CTNNA2: variants seen among roughly 807,000 people sequenced by gnomAD.
CTNNA2 encodes the protein catenin alpha 2.
A neutral mutation model predicts 101.0 loss-of-function variants in CTNNA2; 42 were observed. The observed-to-expected ratio is 0.42, with a 90% CI of 0.32 to 0.54. The LOEUF (loss-of-function observed/expected upper bound fraction) is 0.54. Among genes scored for constraint, CTNNA2 ranks in the 20% least tolerant of loss-of-function variants. CTNNA2 has a pLI of 0.14. For synonymous variants in CTNNA2, 450 were observed against 456.4 expected, an observed-to-expected ratio of 0.99 and a Z score of 0.18; for missense variants, 871 against 1,223.1, an observed-to-expected ratio of 0.71 and a Z score of 4.29.
chr2:80,474,146 C>A (rs1224029544), intron 9 of CTNNA2, among the ~76,000 whole-genome samples: 1 of 152,126 alleles, frequency 6.6e-6, no homozygotes, highest in African/African-American at 2.4e-5. Flanking sequence ...TTTTAAAAAT[C>A]TATGTTTTAA....
chr2:79,674,243 A>G (rs1683041879), intron 2 of CTNNA2, among the ~76,000 whole-genome samples: 1 of 152,210 alleles, frequency 6.6e-6, no homozygotes, highest in South Asian at 2.1e-4. Context: ...TTTTAGAGAA[A>G]GCTTCTTAAA....
intron 1 of CTNNA2, among the ~76,000 whole-genome samples, chr2:79,548,954 C>A (rs898902850): frequency 1.3e-5 from 2 of 152,146 alleles, no homozygotes; most frequent in African/African-American, 4.8e-5. Context: ...ATGCTGCCAA[C>A]CCACATAGAA....
chr2:79,595,922 CAGAATCCCTCTGTG>C (rs1242644947), intron 1 of CTNNA2, among the ~76,000 whole-genome samples: 1 of 150,420 alleles, frequency 6.6e-6, no homozygotes, highest in Non-Finnish European at 1.5e-5. Context: ...CAGTTCTTGT[CAGAATCCCTCTGTG>C]AGCGTATGAC....
chr2:79,319,181 C>T (rs917215871), intron 3 of CTNNA2, among the ~76,000 whole-genome samples: 8 of 152,212 alleles, frequency 5.3e-5, no homozygotes, highest in Admixed American at 1.3e-4. Flanking sequence ...ACCCATTATA[C>T]ACTGGCAGAA....
At chr2:79,237,681 C>A (rs1284602639) in intron 2 of CTNNA2, among the ~76,000 whole-genome samples, 2 of 152,218 alleles carry the variant, frequency 1.3e-5, no homozygotes, top group African/African-American at 4.8e-5. Context: ...ATTACAGACA[C>A]TTCTACATCA....
At chr2:79,195,813 A>AGGG (rs1293684752) in intron 1 of CTNNA2, 1 of 514,702 alleles carries the variant, frequency 1.9e-6, no homozygotes, top group Admixed American at 2.0e-5. Context: ...GGCCCGGCAT[A>AGGG]GGGAGCTGAA....
chr2:80,577,413 C>T (rs749233770), intron 13 of CTNNA2, among the ~76,000 whole-genome samples: 5 of 152,012 alleles, frequency 3.3e-5, no homozygotes, highest in East Asian at 1.9e-4. Context: ...AGCATGTTTC[C>T]GGCGGAGGAA....
chr2:80,127,431 A>T (rs372579405), intron 7 of CTNNA2, among the ~76,000 whole-genome samples: 3 of 152,252 alleles, frequency 2.0e-5, no homozygotes, highest in South Asian at 4.2e-4. Context: ...CTATGGACTG[A>T]CTACTAGTTT....
At chr2:79,725,989 A>G (rs1686816357) in intron 2 of CTNNA2, among the ~76,000 whole-genome samples, 1 of 152,182 alleles carries the variant, frequency 6.6e-6, no homozygotes, top group Non-Finnish European at 1.5e-5. Flanking sequence ...GTCCAAATAC[A>G]GGGTGTGAGA....
intron 7 of CTNNA2, among the ~76,000 whole-genome samples, chr2:80,251,129 C>A (rs748928692): frequency 6.6e-6 from 1 of 152,096 alleles, no homozygotes; most frequent in East Asian, 1.9e-4. Flanking sequence ...TCTTCCCACA[C>A]GTTTATGGAC....
chr2:80,501,866 T>A (rs1687908660), intron 9 of CTNNA2, among the ~76,000 whole-genome samples: 1 of 152,122 alleles, frequency 6.6e-6, no homozygotes, highest in African/African-American at 2.4e-5. Flanking sequence ...ACACCATGCT[T>A]GGAAAGGAAT....
In CTNNA2 at chr2:80,547,690, C is replaced by CTTTTTTTTTTTTTTTTT. The variant is rs61186189; in HGVS notation, c.1540+1643_1540+1644insTTTTTTTTTTTTTTTTT. 5.6e-5 allele frequency among the ~76,000 whole-genome samples: 7 copies of CTTTTTTTTTTTTTTTTT among 124,310 alleles called. 1 individual carries two copies. Among genetic ancestry groups the CTTTTTTTTTTTTTTTTT allele is most frequent in the African/African-American group, 2.4e-4 (7 of 29,336 alleles). The allele number at this position is 124,310 out of a possible 152,430, so 81.6% of individuals were successfully genotyped here. A position where few individuals can be genotyped will look rare whatever the true frequency, so the allele number is the denominator to read the frequency against. The stretch of plus-strand genomic sequence containing the variant: ...AGAACTCAATATATTGTCACTTCTG[C>CTTTTTTTTTTTTTTTTT]TTTTTTTTTTTTTTTTGAGATGGAG... On this transcript the variant is annotated intron_variant, in intron 11 of 18. Coordinates refer to ENST00000402739, the MANE Select transcript of CTNNA2 (RefSeq NM_001282597.3).
chr2:80,534,020 G>T (rs1026827846), intron 9 of CTNNA2, among the ~76,000 whole-genome samples: 6 of 152,106 alleles, frequency 3.9e-5, no homozygotes, highest in Non-Finnish European at 7.4e-5. Flanking sequence ...ATTCAGCTAT[G>T]AAGCGGGCAC....
intron 2 of CTNNA2, among the ~76,000 whole-genome samples, chr2:79,742,350 TA>T (rs112025910): frequency 0.04 from 6,092 of 150,886 alleles, 372 homozygotes; most frequent in African/African-American, 0.14. Flanking sequence ...TTGTGAAGTC[TA>T]AAAAAAAATA....
chr2:79,591,682 A>G (rs1027756542), intron 1 of CTNNA2, among the ~76,000 whole-genome samples: 2 of 152,172 alleles, frequency 1.3e-5, no homozygotes, highest in African/African-American at 2.4e-5. Flanking sequence ...CTGAGCCCAG[A>G]AGACCAACAG....
rs533978164 is a variant in CTNNA2, at chr2:79,597,840, T to C, written c.-5-53712T>C. On this transcript the variant is annotated intron_variant, in intron 1 of 18. Coordinates refer to ENST00000402739, the MANE Select transcript of CTNNA2 (RefSeq NM_001282597.3). ...AGGGTTCACTCTTGATGGTGTGTAT[T>C]CTATGTATTAGGAGAAATGTATAAT... 2.5e-4 allele frequency among the ~76,000 whole-genome samples: 38 copies of C among 152,300 alleles called. No individual in the cohort carries two copies. In the South Asian group the frequency reaches 7.5e-3, roughly 30 times the overall value.
At chr2:80,458,845 C>T (rs1018978051) in intron 9 of CTNNA2, among the ~76,000 whole-genome samples, 3 of 152,142 alleles carry the variant, frequency 2.0e-5, no homozygotes, top group Admixed American at 6.5e-5. Flanking sequence ...TACCTCCCAA[C>T]AACTTTGATG....
chr2:80,252,549 G>T (rs550469711), intron 7 of CTNNA2, among the ~76,000 whole-genome samples: 1 of 152,122 alleles, frequency 6.6e-6, no homozygotes, highest in Non-Finnish European at 1.5e-5. Flanking sequence ...GATAAAAATA[G>T]TTCCCTTTGC....
At chr2:80,082,468 C>T (rs1699209779) in intron 7 of CTNNA2, among the ~76,000 whole-genome samples, 1 of 151,982 alleles carries the variant, frequency 6.6e-6, no homozygotes, top group Non-Finnish European at 1.5e-5. Flanking sequence ...AAAAGTTTTG[C>T]CAAAAAGATT....
Sources: gnomAD v4.1 joint callset for allele counts (sites outside exome capture counted in the v4.1 genomes callset) on GRCh38, gnomAD v4.1.1 for gene constraint, MANE v1.5 for transcripts, NCBI Gene and HGNC (gene_info 2026-07-23, HGNC 2026-07-21) for gene names.